The following LRRC69 variants were observed in gnomAD, a reference collection of about 807,000 sequenced individuals.
The protein encoded by LRRC69 is leucine rich repeat containing 69, also known as leucine-rich repeat-containing protein 69.
A neutral mutation model predicts 37.8 loss-of-function variants in LRRC69; 42 were observed. That is an observed-to-expected ratio of 1.11 (90% CI 0.87 to 1.44). The LOEUF (loss-of-function observed/expected upper bound fraction) is 1.44, where lower values mean the gene tolerates loss of function less well. Ranked by LOEUF, LRRC69 falls within the 40% of genes most tolerant of loss-of-function variation. The pLI, the probability that LRRC69 is intolerant of heterozygous loss-of-function variation, is 0.00. For missense variants in LRRC69, 357 were observed against 401.9 expected, an observed-to-expected ratio of 0.89 and a Z score of 0.96; for synonymous variants, 141 against 143.1, an observed-to-expected ratio of 0.99 and a Z score of 0.11.
chr8:91,191,041 AC>A (rs58095353), intron 6 of LRRC69, among the ~76,000 whole-genome samples: 60,626 of 114,048 alleles, frequency 0.53, 16,152 homozygotes, highest in Middle Eastern at 0.68. Flanking sequence ...CCTGTCTCAA[AC>A]CCCCCCCCCC....
chr8:91,152,876 A>G (rs1368001515), intron 5 of LRRC69, among the ~76,000 whole-genome samples: 1 of 151,324 alleles, frequency 6.6e-6, no homozygotes, highest in Admixed American at 6.6e-5. Context: ...ACACATAACA[A>G]TATTTACCTT....
intron 3 of LRRC69, among the ~76,000 whole-genome samples, chr8:91,132,383 G>A (rs1813823920): frequency 6.6e-6 from 1 of 151,970 alleles, no homozygotes; most frequent in Admixed American, 6.6e-5. Flanking sequence ...GCTTAGTAAT[G>A]TTAATTCCCT....
intron 1 of LRRC69, among the ~76,000 whole-genome samples, chr8:91,113,363 C>G (rs1813443515): frequency 6.6e-6 from 1 of 152,118 alleles, no homozygotes; most frequent in East Asian, 1.9e-4. Flanking sequence ...GGCATAAAAA[C>G]AGACACATAG....
Position 91,165,175 on chromosome 8 carries a change from C to T in LRRC69, c.652-24347C>T, listed in dbSNP as rs1809007114. On this transcript the variant is annotated intron_variant, in intron 5 of 7. Coordinates refer to ENST00000448384, the Ensembl canonical transcript of LRRC69. ...TTTTGAGAGGAAGAAAGGATATTCT[C>T]TGGCACCATATCTTAGAGTCTTTGC... 2.6e-5 allele frequency among the ~76,000 whole-genome samples: 4 copies of T among 151,744 alleles called. No individual in the cohort carries two copies. In the South Asian group the frequency reaches 8.3e-4, roughly 31 times the overall value.
At chr8:91,157,672 G>C in intron 5 of LRRC69, 1 of 1,590,522 alleles carries the variant, frequency 6.3e-7, no homozygotes, top group Non-Finnish European at 8.6e-7. Context: ...ATGCCTTACA[G>C]CTAGCTGATC....
chr8:91,184,469 G>A (rs891813343), intron 5 of LRRC69, among the ~76,000 whole-genome samples: 42 of 152,150 alleles, frequency 2.8e-4, no homozygotes, highest in African/African-American at 1.0e-3. Context: ...CATGGGGGCA[G>A]TGGCTGTTCT....
chr8:91,190,934 T>G (rs978838757), intron 6 of LRRC69, among the ~76,000 whole-genome samples: 1 of 151,736 alleles, frequency 6.6e-6, no homozygotes, highest in Non-Finnish European at 1.5e-5. Context: ...TGTGTGCCTG[T>G]GGTCTCAGCT....
At chr8:91,140,671 T>TTTTTC (rs1808517475) in intron 5 of LRRC69, among the ~76,000 whole-genome samples, 1 of 14,048 alleles carries the variant, frequency 7.1e-5, no homozygotes, top group Non-Finnish European at 1.7e-4. Flanking sequence ...TTTTTTTTTT[T>TTTTTC]GAGACGGAGT....
At chr8:91,157,785 C>A in intron 5 of LRRC69, 2 of 1,607,542 alleles carry the variant, frequency 1.2e-6, no homozygotes, top group Admixed American at 3.4e-5. Flanking sequence ...TATATCGCAG[C>A]AGTGGAAGTG....
At chr8:91,131,439 A>T (rs1489498620) in intron 3 of LRRC69, among the ~76,000 whole-genome samples, 4 of 151,872 alleles carry the variant, frequency 2.6e-5, no homozygotes, top group Admixed American at 6.6e-5. Flanking sequence ...GAATCTATAG[A>T]TCAATATTAA....
intron 5 of LRRC69, among the ~76,000 whole-genome samples, chr8:91,176,335 T>C (rs1184456726): frequency 6.6e-6 from 1 of 151,598 alleles, no homozygotes; most frequent in African/African-American, 2.4e-5. Flanking sequence ...TTAGTAGAGA[T>C]GGGGTTTCAC....
At chr8:91,189,432 G>C in intron 5 of LRRC69, 90 bp from the exon 6 acceptor site, 2 of 883,802 alleles carry the variant, frequency 2.3e-6, no homozygotes, top group South Asian at 1.8e-5. Flanking sequence ...CCTAAATAAA[G>C]TAATTTCAGT....
chr8:91,212,493 T>C (rs551901320), intron 7 of LRRC69, among the ~76,000 whole-genome samples: 7 of 152,182 alleles, frequency 4.6e-5, no homozygotes, highest in Non-Finnish European at 8.8e-5. Context: ...GTGAAAACGT[T>C]CATTTACTTT....
intron 6 of LRRC69, among the ~76,000 whole-genome samples, chr8:91,191,342 T>C (rs1809492733): frequency 6.6e-6 from 1 of 152,190 alleles, no homozygotes; most frequent in African/African-American, 2.4e-5. Context: ...TTATTTTTTC[T>C]CCTTTCATCA....
chr8:91,111,960 C>T lies in LRRC69; in HGVS notation c.183+9116C>T, dbSNP rs192862495. ...TAATAATTGATAATAGAAAGTACAC[C>T]GTGCTATGCAAATGCAAAAGGAGGA... On this transcript the variant is annotated intron_variant, in intron 1 of 7. Transcript: ENST00000448384. Among the ~76,000 whole-genome samples the T allele has an allele frequency of 8.6e-5, 13 of 151,714 alleles. No individual in the cohort carries two copies. In the South Asian group the frequency reaches 1.0e-3, roughly 12 times the overall value.
intron 1 of LRRC69, among the ~76,000 whole-genome samples, chr8:91,121,087 T>C (rs1813611054): frequency 6.6e-6 from 1 of 151,946 alleles, no homozygotes. Flanking sequence ...TTATCTTACA[T>C]CATACAACAT....
At chr8:91,107,789 G>T (rs1375316274) in intron 1 of LRRC69, among the ~76,000 whole-genome samples, 1 of 152,034 alleles carries the variant, frequency 6.6e-6, no homozygotes, top group African/African-American at 2.4e-5. Flanking sequence ...ATGGGTTAAT[G>T]TCCTATAATT....
At chr8:91,189,415 T>A in intron 5 of LRRC69, 107 bp from the exon 6 acceptor site, 1 of 769,428 alleles carries the variant, frequency 1.3e-6, no homozygotes, top group Non-Finnish European at 2.1e-6. Context: ...TACTGTGGAT[T>A]TTTAGTCCTA....
intron 5 of LRRC69, among the ~76,000 whole-genome samples, chr8:91,139,978 C>T (rs1169418925): frequency 6.6e-6 from 1 of 151,034 alleles, no homozygotes; most frequent in Admixed American, 6.6e-5. Flanking sequence ...ATCTCAGTTA[C>T]TCGGGAGGCT....
Sources: allele counts gnomAD v4.1 joint callset (sites outside exome capture counted in the v4.1 genomes callset), GRCh38; gene constraint gnomAD v4.1.1; transcripts MANE v1.5; gene names NCBI Gene and HGNC (gene_info 2026-07-23, HGNC 2026-07-21).